The following B4GALT5 variants were observed in gnomAD, a reference collection of about 807,000 sequenced individuals.
B4GALT5 encodes UDP-Gal:beta-GlcNAc beta-1,4-galactosyltransferase 5.
A neutral mutation model predicts 45.0 loss-of-function variants in B4GALT5; 11 were observed. The observed-to-expected ratio is 0.24, with a 90% confidence interval of 0.15 to 0.40. The LOEUF is 0.40. Ranked by LOEUF, B4GALT5 falls within the 10% of genes least tolerant of loss-of-function variation. B4GALT5 has a pLI of 1.00. For missense variants in B4GALT5, 337 were observed against 500.2 expected, an observed-to-expected ratio of 0.67 and a Z score of 3.11; for synonymous variants, 185 against 182.9, an observed-to-expected ratio of 1.01 and a Z score of -0.09.
Position 49,656,665 on chromosome 20 carries a change from A to C in B4GALT5, c.153T>G (p.Ile51Met), listed in dbSNP as rs147620394. Reference sequence around the variant, plus strand: ...TTGTTCTCACGTTGTCCCGGATCAGAATGCCTTGGGCTTGCATCATGAAGA... The same window carrying C: ...TTGTTCTCACGTTGTCCCGGATCAGCATGCCTTGGGCTTGCATCATGAAGA... ...TYLFMMQAQG[I>M]LIRDNVRTIG... The change falls in exon 2 of 9, where the codon ATT becomes ATG. Residue 51 changes from isoleucine (I) to methionine (M), a missense_variant. Transcript: ENST00000371711. The C allele has an allele frequency of 3.6e-5, 58 of 1,614,226 alleles. No individual in the cohort carries two copies. The African/African-American group carries it at 6.9e-4, about 19-fold the overall frequency.
chr20:49,689,349 T>G (rs2085800434), intron 1 of B4GALT5, among the ~76,000 whole-genome samples: 1 of 152,234 alleles, frequency 6.6e-6, no homozygotes, highest in South Asian at 2.1e-4. Context: ...ATCTCAAAGT[T>G]AAAATGATCA....
rs187576038 is a variant in B4GALT5, at chr20:49,707,407, A to G, written c.115+6169T>C. Among the ~76,000 whole-genome samples, 399 of 152,166 alleles carry G rather than the reference A, an allele frequency of 2.6e-3. 1 individual carries two copies. The highest frequency in any genetic ancestry group is 8.8e-3 in the African/African-American group (364 of 41,514). On this transcript the variant is annotated intron_variant, in intron 1 of 8. Transcript: ENST00000371711. ...TGTCCTTCACGGGATAAGGCTCTTT[A>G]ATTCTCTGAAGTGAAGTAACCCATA...
At position 49,633,207 on chromosome 20, in the gene B4GALT5, A is replaced by G. The variant is rs1171051263; in HGVS notation, c.*3105T>C. 4 of 152,638 alleles carry G rather than the reference A, an allele frequency of 2.6e-5. No homozygotes were observed. Among genetic ancestry groups the G allele is most frequent in the African/African-American group, 9.6e-5 (4 of 41,460 alleles). 9.5% of individuals were successfully genotyped at this position (152,638 alleles called of 1,614,324 possible). A position where few individuals can be genotyped will look rare whatever the true frequency, so the allele number is the denominator to read the frequency against. ...AATGGTGAGTGGATACAATCAATCC[A>G]TGTGGCTCCTGCTCAGCTATTAATG... On this transcript the variant is annotated 3_prime_UTR_variant, in exon 9 of 9. Transcript: ENST00000371711.
At chr20:49,636,584 G>A in intron 8 of B4GALT5, 125 bp from the exon 9 acceptor site, 1 of 1,119,060 alleles carries the variant, frequency 8.9e-7, no homozygotes, top group African/African-American at 1.6e-5. Flanking sequence ...TGCAGCACAA[G>A]GTGGGCGCAC....
At chr20:49,677,031 T>C (rs8115297) in intron 1 of B4GALT5, among the ~76,000 whole-genome samples, 3 of 152,124 alleles carry the variant, frequency 2.0e-5, no homozygotes, top group Admixed American at 6.5e-5. Context: ...TAAGTGGTGT[T>C]TTTTGTTTTG....
At position 49,656,605 on chromosome 20, in the gene B4GALT5, A is replaced by G; in HGVS notation, c.213T>C (p.Ser71=). The G allele has an allele frequency of 6.2e-7, 1 of 1,614,110 alleles. No homozygotes were observed. Among genetic ancestry groups the G allele is most frequent in the Non-Finnish European group, 8.5e-7 (1 of 1,180,024 alleles). The part of the protein sequence containing the change: ...GAQVYEQVLR[S]AYAKRNSSVN... The stretch of plus-strand genomic sequence containing the variant: ...CACTGCTGTTCCTCTTGGCATAAGC[A>G]CTCCGAAGCACCTGCTCATAAACCT... The change falls in exon 2 of 9, where the codon AGT becomes AGC. Residue 71 remains serine, a synonymous_variant. Coordinates refer to ENST00000371711, the MANE Select transcript of B4GALT5 (RefSeq NM_004776.4).
chr20:49,649,357 T>C (rs912760867), intron 2 of B4GALT5, among the ~76,000 whole-genome samples: 10 of 152,142 alleles, frequency 6.6e-5, no homozygotes, highest in African/African-American at 1.9e-4. Context: ...GGCAAGAGGA[T>C]TGCCTGAGCC....
intron 1 of B4GALT5, among the ~76,000 whole-genome samples, chr20:49,674,335 G>A (rs528398979): frequency 5.9e-5 from 9 of 151,936 alleles, no homozygotes; most frequent in African/African-American, 2.2e-4. Flanking sequence ...CCTGTAAATG[G>A]GCCAGGAATT....
intron 1 of B4GALT5, among the ~76,000 whole-genome samples, chr20:49,700,836 G>C (rs1026495860): frequency 6.6e-6 from 1 of 152,164 alleles, no homozygotes; most frequent in Non-Finnish European, 1.5e-5. Flanking sequence ...TTTAAAATTT[G>C]TGAAATGTTT....
At chr20:49,667,503 T>C (rs1363038784) in intron 1 of B4GALT5, among the ~76,000 whole-genome samples, 3 of 152,152 alleles carry the variant, frequency 2.0e-5, no homozygotes, top group African/African-American at 4.8e-5. Flanking sequence ...TCCACCCGCC[T>C]TGGCCTCCCA....
At chr20:49,639,331 G>T (rs1400838591) in intron 7 of B4GALT5, among the ~76,000 whole-genome samples, 1 of 151,946 alleles carries the variant, frequency 6.6e-6, no homozygotes, top group African/African-American at 2.4e-5. Flanking sequence ...TAAGATTAAA[G>T]ATATTTTCTA....
At chr20:49,670,605 C>A (rs1193524735) in intron 1 of B4GALT5, among the ~76,000 whole-genome samples, 1 of 152,182 alleles carries the variant, frequency 6.6e-6, no homozygotes, top group Non-Finnish European at 1.5e-5. Flanking sequence ...AGTTGAATTT[C>A]TTCAACACTG....
chr20:49,652,666 TCAC>T (rs1255684707), intron 2 of B4GALT5, among the ~76,000 whole-genome samples: 12 of 152,154 alleles, frequency 7.9e-5, no homozygotes, highest in Non-Finnish European at 1.8e-4. Context: ...CTTCTCCTGG[TCAC>T]CACTTCAGGT....
intron 5 of B4GALT5, among the ~76,000 whole-genome samples, chr20:49,640,915 C>A (rs1421021682): frequency 6.6e-6 from 1 of 152,114 alleles, no homozygotes; most frequent in Non-Finnish European, 1.5e-5. Flanking sequence ...GAGTTCGAGA[C>A]CAGCCTGGCC....
chr20:49,688,429 T>C (rs1203353575), intron 1 of B4GALT5, among the ~76,000 whole-genome samples: 9 of 151,822 alleles, frequency 5.9e-5, no homozygotes, highest in Non-Finnish European at 1.3e-4. Flanking sequence ...TTCCAAAGAG[T>C]AGAGGCAAAC....
chr20:49,681,530 A>G (rs924389997), intron 1 of B4GALT5, among the ~76,000 whole-genome samples: 2 of 152,160 alleles, frequency 1.3e-5, no homozygotes, highest in African/African-American at 4.8e-5. Context: ...CCAAATCCTT[A>G]TATTGAGCCC....
intron 1 of B4GALT5, among the ~76,000 whole-genome samples, chr20:49,705,822 G>T (rs2085881358): frequency 6.6e-6 from 1 of 151,996 alleles, no homozygotes; most frequent in Admixed American, 6.6e-5. Context: ...TCAGACAGGA[G>T]CCCAAACCTA....
chr20:49,636,835 C>T (rs1234327034), intron 8 of B4GALT5, among the ~76,000 whole-genome samples: 5 of 151,860 alleles, frequency 3.3e-5, no homozygotes, highest in African/African-American at 1.2e-4. Flanking sequence ...TGCCATTTTA[C>T]TCCCATGAAA....
rs947188663 is a variant in B4GALT5 at position 49,634,856 on chromosome 20, G to A, written c.*1456C>T. 1 of 152,314 alleles carries A rather than the reference G, an allele frequency of 6.6e-6. No homozygotes were observed. Among genetic ancestry groups the A allele is most frequent in the Non-Finnish European group, 1.5e-5 (1 of 68,144 alleles). The allele number at this position is 152,314 out of a possible 1,614,324, so 9.4% of individuals were successfully genotyped here. A position where few individuals can be genotyped will look rare whatever the true frequency, so the allele number is the denominator to read the frequency against. On this transcript the variant is annotated 3_prime_UTR_variant, in exon 9 of 9. Coordinates refer to ENST00000371711, the MANE Select transcript of B4GALT5 (RefSeq NM_004776.4). ...CACTCCAGCTTAGGCGACAGAGCCA[G>A]ACCGTCTTAAAAAACAAAACAAAAA...
Sources: gnomAD v4.1 joint callset for allele counts (sites outside exome capture counted in the v4.1 genomes callset) on GRCh38, gnomAD v4.1.1 for gene constraint, MANE v1.5 for transcripts, NCBI Gene and HGNC (gene_info 2026-07-23, HGNC 2026-07-21) for gene names.